Variants in PHKB observed in about 807,000 individuals in gnomAD.
PHKB encodes the protein phosphorylase b kinase regulatory subunit beta.
In PHKB, 122 loss-of-function variants were observed where a neutral mutation model predicts 152.1. The observed-to-expected ratio is 0.80, with a 90% CI of 0.69 to 0.93. PHKB has a LOEUF of 0.93. PHKB is among the 40% of genes least tolerant of loss of function. PHKB has a pLI of 0.00. For missense variants in PHKB, 1,304 were observed against 1,328.4 expected (o/e 0.98, Z 0.29); for synonymous variants, 436 against 464.9 (o/e 0.94, Z 0.80).
At chr16:47,654,144 C>T (rs1973288937) in intron 20 of PHKB, among the ~76,000 whole-genome samples, 1 of 152,158 alleles carries the variant, frequency 6.6e-6, no homozygotes, top group Admixed American at 6.5e-5. Context: ...AACAGAGAGC[C>T]ACCTACATTG....
chr16:47,632,910 A>G (rs1163483819), intron 14 of PHKB, among the ~76,000 whole-genome samples: 1 of 152,208 alleles, frequency 6.6e-6, no homozygotes, highest in Non-Finnish European at 1.5e-5. Flanking sequence ...TAATTACCGT[A>G]GTTTTAAATT....
chr16:47,485,701 C>T (rs988026412), intron 1 of PHKB, among the ~76,000 whole-genome samples: 1 of 152,130 alleles, frequency 6.6e-6, no homozygotes, highest in Non-Finnish European at 1.5e-5. Context: ...CTCACTGCAA[C>T]CTCTGCCTCC....
intron 7 of PHKB, among the ~76,000 whole-genome samples, chr16:47,574,700 C>T (rs80217681): frequency 0.013 from 1,918 of 152,228 alleles, 34 homozygotes; most frequent in South Asian, 0.054. Flanking sequence ...AACCAGTTCT[C>T]ACGGGAACTC....
intron 9 of PHKB, among the ~76,000 whole-genome samples, chr16:47,588,043 TA>T (rs948213006): frequency 3.2e-4 from 49 of 152,262 alleles, no homozygotes; most frequent in African/African-American, 1.2e-3. Context: ...CAAGGTGAAT[TA>T]TTTTTTTGCC....
At chr16:47,486,509 G>T (rs1013281767) in intron 1 of PHKB, among the ~76,000 whole-genome samples, 10 of 152,154 alleles carry the variant, frequency 6.6e-5, no homozygotes, top group Admixed American at 1.3e-4. Context: ...GGGAATGCTT[G>T]CTGTCTCAGC....
chr16:47,518,994 C>A (rs2151654226), intron 6 of PHKB, among the ~76,000 whole-genome samples: 1 of 152,178 alleles, frequency 6.6e-6, no homozygotes, highest in African/African-American at 2.4e-5. Flanking sequence ...AGTCAAAGTA[C>A]CCCCTCAAAT....
At position 47,664,953 on chromosome 16, in the gene PHKB, C is replaced by T. The variant is rs1362752938; in HGVS notation, c.2405C>T (p.Thr802Ile). 1.9e-6 allele frequency: 3 copies of T among 1,612,616 alleles called. No individual in the cohort carries two copies. Among genetic ancestry groups the T allele is most frequent in the Admixed American group, 3.3e-5 (2 of 59,994 alleles). The part of the protein sequence containing the change: ...FSSSIAPHIT[T>I]FLVHGKQVTL... ...TCCTCTATAGCCCCACACATTACTACTTTTCTGGTACATGGGAAACAGGTA... is the reference window on the plus strand; with the variant it reads ...TCCTCTATAGCCCCACACATTACTATTTTTCTGGTACATGGGAAACAGGTA... The change falls in exon 25 of 31, where the codon ACT becomes ATT. Residue 802 changes from threonine to isoleucine, a missense_variant. Coordinates refer to ENST00000323584, the MANE Select transcript of PHKB (RefSeq NM_000293.3).
chr16:47,565,660 A>G, intron 7 of PHKB: 1 of 1,232,652 alleles, frequency 8.1e-7, no homozygotes. Context: ...CCTGTCCTCG[A>G]CCATCCCTGT....
chr16:47,581,572 A>G (rs1369949809), intron 8 of PHKB, among the ~76,000 whole-genome samples: 1 of 152,236 alleles, frequency 6.6e-6, no homozygotes, highest in Non-Finnish European at 1.5e-5. Flanking sequence ...AAAGATAATG[A>G]TAATAGGACC....
chr16:47,639,637 T>C (rs146032107), intron 14 of PHKB, among the ~76,000 whole-genome samples: 112 of 152,318 alleles, frequency 7.4e-4, no homozygotes, highest in African/African-American at 2.5e-3. Flanking sequence ...GGAAACAATA[T>C]CCTAAACAGG....
chr16:47,686,254 CTA>C (rs1156707555), intron 26 of PHKB, among the ~76,000 whole-genome samples: 3 of 152,124 alleles, frequency 2.0e-5, no homozygotes, highest in African/African-American at 7.2e-5. Context: ...ATGTGATAAA[CTA>C]TGTTTAGTTT....
chr16:47,563,848 C>A (rs1469208850), intron 7 of PHKB, among the ~76,000 whole-genome samples: 1 of 152,108 alleles, frequency 6.6e-6, no homozygotes, highest in Admixed American at 6.6e-5. Flanking sequence ...GTCCCCTATA[C>A]CATTCTGTAT....
At chr16:47,479,880 C>T (rs1392429087) in intron 1 of PHKB, among the ~76,000 whole-genome samples, 1 of 152,230 alleles carries the variant, frequency 6.6e-6, no homozygotes, top group Non-Finnish European at 1.5e-5. Flanking sequence ...CACTCTGCTT[C>T]TGTCAGTTTG....
intron 26 of PHKB, among the ~76,000 whole-genome samples, chr16:47,679,251 G>C (rs546094493): frequency 2.4e-4 from 36 of 152,200 alleles, no homozygotes; most frequent in South Asian, 1.9e-3. Flanking sequence ...TTGGCGATGC[G>C]GGCTCTTTTT....
chr16:47,649,249 C>A, intron 18 of PHKB, 45 bp downstream of exon 18: 1 of 1,032,080 alleles, frequency 9.7e-7, no homozygotes, highest in Non-Finnish European at 1.5e-6. Flanking sequence ...AGTTTGTTTC[C>A]ACTGATTTTA....
chr16:47,575,851 C>T (rs776868272), intron 7 of PHKB, among the ~76,000 whole-genome samples: 13 of 152,038 alleles, frequency 8.6e-5, no homozygotes, highest in African/African-American at 2.9e-4. Flanking sequence ...CCGAGACAGG[C>T]GGATCACCTG....
intron 13 of PHKB, among the ~76,000 whole-genome samples, chr16:47,603,493 AACTG>A (rs1172020419): frequency 1.3e-5 from 2 of 151,690 alleles, no homozygotes; most frequent in Non-Finnish European, 2.9e-5. Context: ...ATGTATAAAT[AACTG>A]ACTTTCTTTT....
At chr16:47,536,192 C>T (rs1243663154) in intron 6 of PHKB, among the ~76,000 whole-genome samples, 1 of 152,148 alleles carries the variant, frequency 6.6e-6, no homozygotes, top group African/African-American at 2.4e-5. Flanking sequence ...GCTGGGATTA[C>T]AGTCATGTGC....
chr16:47,523,180 C>A (rs566528433), intron 6 of PHKB, among the ~76,000 whole-genome samples: 1 of 152,108 alleles, frequency 6.6e-6, no homozygotes, highest in Admixed American at 6.5e-5. Flanking sequence ...ATATACAGAC[C>A]ACAATTTCTT....
Sources: gnomAD v4.1 joint callset for allele counts (sites outside exome capture counted in the v4.1 genomes callset) on GRCh38, gnomAD v4.1.1 for gene constraint, MANE v1.5 for transcripts, NCBI Gene and HGNC (gene_info 2026-07-23, HGNC 2026-07-21) for gene names.